PTPRS: variants seen among roughly 807,000 people sequenced by gnomAD.
PTPRS encodes the protein protein tyrosine phosphatase receptor type S.
Under a neutral mutation model 215.3 loss-of-function variants are expected in PTPRS, and 63 were observed. That is an observed-to-expected ratio of 0.29 (90% CI 0.24 to 0.36). The LOEUF (loss-of-function observed/expected upper bound fraction) is 0.36. Ranked by LOEUF, PTPRS falls within the 10% of genes least tolerant of loss-of-function variation. The pLI, the probability that PTPRS is intolerant of heterozygous loss-of-function variation, is 1.00. For synonymous variants in PTPRS, 1,404 were observed against 1,191.4 expected, an observed-to-expected ratio of 1.18 and a Z score of -3.68; for missense variants, 2,258 against 2,825.8, an observed-to-expected ratio of 0.80 and a Z score of 4.56.
Position 5,338,550 on chromosome 19 carries a change from C to T in PTPRS, c.-95+2114G>A, listed in dbSNP as rs2050581573. Reference sequence around the variant, plus strand: ...AGGGATGCCCAGGTGGGGACTCAGTCAGGCCCAAGCTGGGGGGCTGTGGGA... The same window carrying T: ...AGGGATGCCCAGGTGGGGACTCAGTTAGGCCCAAGCTGGGGGGCTGTGGGA... On this transcript the variant is annotated intron_variant, in intron 1 of 37. Transcript: ENST00000262963. The surrounding 1 kb of genome is among the most constrained non-coding windows in gnomAD (Gnocchi z 4.2). 6.6e-6 allele frequency among the ~76,000 whole-genome samples: 1 copy of T among 152,136 alleles called. No homozygotes were observed. Among genetic ancestry groups the T allele is most frequent in the Non-Finnish European group, 1.5e-5 (1 of 68,008 alleles).
In PTPRS at chr19:5,299,131, G is replaced by A. The variant is rs116811153; in HGVS notation, c.-94-12897C>T. ...CCCACAGCACCCACTACATGGTGCC[G>A]GTGTGCACCTGAGTCAGGTCCCGTC... On this transcript the variant is annotated intron_variant, in intron 1 of 37. Coordinates refer to ENST00000262963, the MANE Select transcript of PTPRS (RefSeq NM_002850.4). Among the ~76,000 whole-genome samples the A allele has an allele frequency of 5.0e-3, 767 of 152,108 alleles. 9 individuals carry two copies. The highest frequency in any genetic ancestry group is 0.018 in the African/African-American group (744 of 41,488).
At chr19:5,224,835 C>T (rs1465941691) in intron 17 of PTPRS, among the ~76,000 whole-genome samples, 2 of 152,056 alleles carry the variant, frequency 1.3e-5, no homozygotes, top group African/African-American at 2.4e-5. Flanking sequence ...ATAGTGTGGA[C>T]AAGGGCAGGG....
chr19:5,255,492 TG>T (rs1302791657), intron 9 of PTPRS, among the ~76,000 whole-genome samples: 1 of 150,648 alleles, frequency 6.6e-6, no homozygotes, highest in African/African-American at 2.4e-5. Context: ...CGAGTCGCTT[TG>T]GGGGAGAAGA....
At chr19:5,272,017 T>C (rs1013432082) in intron 4 of PTPRS, among the ~76,000 whole-genome samples, 23 of 152,098 alleles carry the variant, frequency 1.5e-4, no homozygotes, top group Non-Finnish European at 2.9e-5. Context: ...TTTGAGTCCC[T>C]GTACTCAGCC....
At chr19:5,213,090 A>C (rs2041076280) in intron 30 of PTPRS, among the ~76,000 whole-genome samples, 1 of 151,750 alleles carries the variant, frequency 6.6e-6, no homozygotes, top group Non-Finnish European at 1.5e-5. Flanking sequence ...CACATCCAAC[A>C]CCTCACCCGG....
At chr19:5,299,971 T>C (rs2049252932) in intron 1 of PTPRS, among the ~76,000 whole-genome samples, 1 of 152,136 alleles carries the variant, frequency 6.6e-6, no homozygotes, top group Non-Finnish European at 1.5e-5. Flanking sequence ...CCGGGTGCCA[T>C]GGCTCCCACC....
At chr19:5,212,997 C>T (rs963646609) in intron 30 of PTPRS, among the ~76,000 whole-genome samples, 2 of 152,148 alleles carry the variant, frequency 1.3e-5, no homozygotes, top group Admixed American at 1.3e-4. Context: ...CCCAAACCTG[C>T]TCCCCCGTCT....
intron 30 of PTPRS, among the ~76,000 whole-genome samples, chr19:5,213,201 G>A (rs1348274062): frequency 6.6e-6 from 1 of 152,162 alleles, no homozygotes; most frequent in African/African-American, 2.4e-5. Context: ...CTTTGCCGCA[G>A]ACCTTGGCTC....
intron 2 of PTPRS, among the ~76,000 whole-genome samples, chr19:5,278,888 A>AT (rs923298847): frequency 1.3e-5 from 2 of 151,900 alleles, no homozygotes; most frequent in African/African-American, 4.8e-5. Flanking sequence ...CCGTTGTACG[A>AT]TTTTTTAAAA....
intron 35 of PTPRS, among the ~76,000 whole-genome samples, chr19:5,209,668 TCCTC>T (rs986457044): frequency 7.2e-5 from 11 of 152,192 alleles, no homozygotes; most frequent in African/African-American, 2.4e-4. Context: ...AATTCTGTCT[TCCTC>T]CATCCATCAC....
rs755986568 is a variant in PTPRS, at chr19:5,208,336, C to G, written c.5543G>C (p.Gly1848Ala). 13 of 1,613,790 alleles carry G rather than the reference C, an allele frequency of 8.1e-6. No homozygotes were observed. The South Asian group carries it at 1.2e-4, about 15-fold the overall frequency. ...GAAGCCCTCCCCCGACTTTGGCACACCCTGTTCCGGCCAGTCTGTGAACTG... is the reference window on the plus strand; with the variant it reads ...GAAGCCCTCCCCCGACTTTGGCACAGCCTGTTCCGGCCAGTCTGTGAACTG... ...QFQFTDWPEQGVPKSGEGFID... is the reference protein window; with the variant it reads ...QFQFTDWPEQAVPKSGEGFID... Residue 1848 changes from glycine (G) to alanine (A), a missense_variant, in exon 36 of 38, where the codon GGT becomes GCT. By Grantham distance (60) the Gly-to-Ala change is moderately conservative (BLOSUM62 0). Around this residue, in one of 6 missense-constraint regions of PTPRS, gnomAD observed 927 missense variants for 1,125.9 expected, o/e 0.82. Coordinates refer to ENST00000262963, the MANE Select transcript of PTPRS (RefSeq NM_002850.4).
chr19:5,224,235 G>A (rs941689684), intron 17 of PTPRS, among the ~76,000 whole-genome samples: 3 of 152,144 alleles, frequency 2.0e-5, no homozygotes, highest in African/African-American at 7.2e-5. Context: ...CTTGAAAGAA[G>A]AAAGAGAGGG....
At chr19:5,286,371 G>A (rs945467451) in intron 1 of PTPRS, 137 bp from the exon 2 acceptor site, 12 of 555,474 alleles carry the variant, frequency 2.2e-5, no homozygotes, top group Non-Finnish European at 3.3e-5. Context: ...GAAGGATCAT[G>A]GGGTGATGGG....
intron 17 of PTPRS, among the ~76,000 whole-genome samples, 155 bp downstream of exon 17, chr19:5,225,572 C>T (rs1395920617): frequency 6.6e-6 from 1 of 151,952 alleles, no homozygotes; most frequent in Non-Finnish European, 1.5e-5. Context: ...GCCCTGGACA[C>T]CCACCTGAGC....
intron 1 of PTPRS, among the ~76,000 whole-genome samples, chr19:5,305,673 G>C (rs1164072976): frequency 6.6e-6 from 1 of 151,572 alleles, no homozygotes; most frequent in Non-Finnish European, 1.5e-5. Context: ...AGGCTGCAGT[G>C]AGTGATGATC....
chr19:5,207,822 G>A, intron 37 of PTPRS, 100 bp downstream of exon 37: 1 of 1,523,576 alleles, frequency 6.6e-7, no homozygotes, highest in Non-Finnish European at 8.9e-7. Context: ...GACCCAGAGA[G>A]TCCCAGGTGG....
rs779918003 is a variant in PTPRS, at chr19:5,222,715, C to T, written c.3077G>A (p.Arg1026His). 50 of 1,592,978 alleles carry T rather than the reference C, an allele frequency of 3.1e-5. No individual in the cohort carries two copies. The highest frequency in any genetic ancestry group is 9.0e-5 in the East Asian group (4 of 44,480). The change falls in exon 18 of 38, where the codon CGC becomes CAC. Residue 1026 changes from arginine to histidine, a missense_variant. Physicochemically the swap from Arg to His is conservative, Grantham distance 29. Coordinates refer to ENST00000262963, the MANE Select transcript of PTPRS (RefSeq NM_002850.4). ...RGPGPFSPPVRYRTFLRDQVS... is the reference protein window; with the variant it reads ...RGPGPFSPPVHYRTFLRDQVS... ...TTGGTCCCGCAGGAACGTCCGGTAG[C>T]GGACGGGGGGGCTGAAGGGGCCAGG...
intron 1 of PTPRS, chr19:5,286,530 C>G (rs2048366155): frequency 4.1e-6 from 1 of 243,210 alleles, no homozygotes; most frequent in African/African-American, 2.2e-5. Flanking sequence ...ACCTCATGAA[C>G]GGGATTAGTG....
intron 18 of PTPRS, 47 bp downstream of exon 18, chr19:5,222,642 G>GGGGGGGGGGGGGGGGGC: frequency 7.3e-7 from 1 of 1,369,334 alleles, no homozygotes; most frequent in Non-Finnish European, 9.7e-7. Flanking sequence ...GTGGGGGTGG[G>GGGGGGGGGGGGGGGGGC]CGCAAGGCCC....
Sources: gnomAD v4.1 joint callset for allele counts (sites outside exome capture counted in the v4.1 genomes callset) on GRCh38, gnomAD v4.1.1 for gene constraint, gnomAD v4.1.1 regional missense constraint, Gnocchi (gnomAD v3.1) non-coding constraint, MANE v1.5 for transcripts, NCBI Gene and HGNC (gene_info 2026-07-23, HGNC 2026-07-21) for gene names.